Variants in ARHGAP35 observed in about 807,000 individuals in gnomAD.
The protein encoded by ARHGAP35 is rho GTPase-activating protein 35.
A neutral mutation model predicts 111.1 loss-of-function variants in ARHGAP35; 15 were observed. The ratio of observed to expected loss-of-function variants is 0.13; its 90% CI spans 0.09 to 0.21. The LOEUF (loss-of-function observed/expected upper bound fraction) is 0.21. ARHGAP35 is among the 10% of genes least tolerant of loss of function. The pLI is 1.00. For synonymous variants in ARHGAP35, 643 were observed against 710.3 expected (o/e 0.91, Z 1.51); for missense variants, 1,262 against 1,873.0 (o/e 0.67, Z 6.02).
At chr19:46,870,000 G>A (rs1222175881) in intron 1 of ARHGAP35, among the ~76,000 whole-genome samples, 1 of 146,022 alleles carries the variant, frequency 6.8e-6, no homozygotes, top group African/African-American at 2.6e-5. Flanking sequence ...AGGCTGGAGT[G>A]CAGTGGCGCC....
chr19:46,875,566 TA>T (rs2055914290), intron 1 of ARHGAP35, among the ~76,000 whole-genome samples: 1 of 152,190 alleles, frequency 6.6e-6, no homozygotes, highest in African/African-American at 2.4e-5. Flanking sequence ...CTTTGTGACT[TA>T]GGACAAGTCA....
chr19:46,892,427 C>T (rs977770948), intron 1 of ARHGAP35, among the ~76,000 whole-genome samples: 7 of 145,086 alleles, frequency 4.8e-5, no homozygotes, highest in Non-Finnish European at 7.5e-5. Context: ...GCCATGATCA[C>T]GCCACTGTAC....
chr19:46,884,869 A>G (rs1207312022), intron 1 of ARHGAP35, among the ~76,000 whole-genome samples: 1 of 152,018 alleles, frequency 6.6e-6, no homozygotes, highest in Non-Finnish European at 1.5e-5. Context: ...GTGCGCACCC[A>G]CCATGCCTGG....
At chr19:46,902,533 C>T (rs1277623242) in intron 1 of ARHGAP35, among the ~76,000 whole-genome samples, 1 of 152,122 alleles carries the variant, frequency 6.6e-6, no homozygotes, top group Non-Finnish European at 1.5e-5. Context: ...GCCATCTGCT[C>T]CCGGCTGCCT....
chr19:46,909,061 A>G (rs2056124919), intron 1 of ARHGAP35, among the ~76,000 whole-genome samples: 1 of 152,106 alleles, frequency 6.6e-6, no homozygotes, highest in South Asian at 2.1e-4. Flanking sequence ...ACACTTTGGG[A>G]GGGTGAGGTG....
At chr19:46,953,839 A>G (rs2056425077) in intron 3 of ARHGAP35, among the ~76,000 whole-genome samples, 2 of 152,038 alleles carry the variant, frequency 1.3e-5, no homozygotes, top group Non-Finnish European at 2.9e-5. Context: ...CTTCCTTCAC[A>G]CTGGACTCCT....
intron 2 of ARHGAP35, among the ~76,000 whole-genome samples, chr19:46,932,090 T>C (rs186717020): frequency 2.8e-4 from 42 of 152,316 alleles, no homozygotes; most frequent in African/African-American, 1.0e-3. Context: ...AAGAACAGCC[T>C]GGCCAACATG....
chr19:46,868,449 T>G (rs973346308), intron 1 of ARHGAP35, among the ~76,000 whole-genome samples: 1 of 152,224 alleles, frequency 6.6e-6, no homozygotes, highest in Non-Finnish European at 1.5e-5. Flanking sequence ...TGGGATGTGA[T>G]CCTGTATTAA....
intron 1 of ARHGAP35, among the ~76,000 whole-genome samples, chr19:46,867,556 A>G (rs1304876424): frequency 6.6e-6 from 1 of 152,182 alleles, no homozygotes; most frequent in Non-Finnish European, 1.5e-5. Context: ...AAGGGATTAT[A>G]CTAGTTGGTT....
At position 46,907,767 on chromosome 19, in the gene ARHGAP35, G is replaced by A. The variant is rs117489123; in HGVS notation, c.-188-10721G>A. Among the ~76,000 whole-genome samples, 235 of 152,192 alleles carry A rather than the reference G, an allele frequency of 1.5e-3. 5 individuals carry two copies. In the East Asian group the frequency reaches 0.04, roughly 26 times the overall value. Reference sequence around the variant, plus strand: ...GCTGGGATTACAGGTGTGAGCCACCGGCCCTTTTTCTTAGCTTCTTAGGTT... The same window carrying A: ...GCTGGGATTACAGGTGTGAGCCACCAGCCCTTTTTCTTAGCTTCTTAGGTT... On this transcript the variant is annotated intron_variant, in intron 1 of 6. Coordinates refer to ENST00000672722, the MANE Select transcript of ARHGAP35 (RefSeq NM_004491.5).
Position 47,001,115 on chromosome 19 carries a change from C to T in ARHGAP35, c.*427C>T. ...TGGCAACCCCTGAAGAGAACACTTC[C>T]TGTTGGTCTGTCTCTTCCCACCTTC... On this transcript the variant is annotated 3_prime_UTR_variant, in exon 7 of 7. Coordinates refer to ENST00000672722, the MANE Select transcript of ARHGAP35 (RefSeq NM_004491.5). The surrounding 1 kb of genome is among the most constrained non-coding windows in gnomAD (Gnocchi z 5.4). The T allele has an allele frequency of 1.6e-6, 2 of 1,243,198 alleles. No individual in the cohort carries two copies. Among genetic ancestry groups the T allele is most frequent in the Non-Finnish European group, 2.1e-6 (2 of 971,080 alleles). 77.0% of individuals were successfully genotyped at this position (1,243,198 alleles called of 1,614,324 possible). A position where few individuals can be genotyped will look rare whatever the true frequency, so the allele number is the denominator to read the frequency against.
rs537265568 is a variant in ARHGAP35 at position 46,976,961 on chromosome 19, T to A, written c.3827-11028T>A. Among the ~76,000 whole-genome samples the A allele has an allele frequency of 2.0e-5, 3 of 152,340 alleles. No individual in the cohort carries two copies. The South Asian group carries it at 6.2e-4, about 32-fold the overall frequency. On this transcript the variant is annotated intron_variant, in intron 3 of 6. Coordinates refer to ENST00000672722, the MANE Select transcript of ARHGAP35 (RefSeq NM_004491.5). The stretch of plus-strand genomic sequence containing the variant: ...GCCTCTATAACCCCTGTCAGTTTCC[T>A]TGACCTCTGCTTTTTTCCTGTTCAT...
chr19:46,861,576 GC>G (rs1338686749), intron 1 of ARHGAP35, among the ~76,000 whole-genome samples: 3 of 146,376 alleles, frequency 2.0e-5, no homozygotes, highest in African/African-American at 7.6e-5. Flanking sequence ...CCTCCATAAT[GC>G]CCTTCGCTCC....
At chr19:46,961,541 C>T (rs182401128) in intron 3 of ARHGAP35, among the ~76,000 whole-genome samples, 1 of 152,076 alleles carries the variant, frequency 6.6e-6, no homozygotes, top group Non-Finnish European at 1.5e-5. Context: ...ATCTCATGGA[C>T]GCGTTGAATA....
At position 46,889,182 on chromosome 19, in the gene ARHGAP35, A is replaced by G. The variant is rs144809047; in HGVS notation, c.-189+27973A>G. Among the ~76,000 whole-genome samples the G allele has an allele frequency of 1.8e-3, 268 of 151,132 alleles. 1 individual carries two copies. In the Middle Eastern group the frequency reaches 0.021, roughly 12 times the overall value. On this transcript the variant is annotated intron_variant, in intron 1 of 6. Coordinates refer to ENST00000672722, the MANE Select transcript of ARHGAP35 (RefSeq NM_004491.5). Reference sequence around the variant, plus strand: ...TAAAAATACAAAAAATTAGCCAGGCATGGCCAGGCGCTGTGGCTCACACCT... The same window carrying G: ...TAAAAATACAAAAAATTAGCCAGGCGTGGCCAGGCGCTGTGGCTCACACCT...
chr19:46,979,146 C>T (rs527428850), intron 3 of ARHGAP35, among the ~76,000 whole-genome samples: 166 of 151,822 alleles, frequency 1.1e-3, no homozygotes, highest in Admixed American at 4.3e-3. Flanking sequence ...GTATTGTGCT[C>T]GCGGTCTGTT....
chr19:46,862,576 TTTC>T (rs2055834617), intron 1 of ARHGAP35, among the ~76,000 whole-genome samples: 3 of 152,130 alleles, frequency 2.0e-5, no homozygotes, highest in Admixed American at 2.0e-4. Flanking sequence ...GTACCTACAC[TTTC>T]TTCTCGTTTT....
intron 1 of ARHGAP35, among the ~76,000 whole-genome samples, chr19:46,891,455 T>G: frequency 6.7e-6 from 1 of 149,568 alleles, no homozygotes. Flanking sequence ...TTAGATGGAG[T>G]CTCGCTCTGT....
Position 46,918,934 on chromosome 19 carries a change from G to T in ARHGAP35, c.259G>T (p.Val87Leu). ...GEVSRSLEDCVECKMHIVEQT... is the reference protein window; with the variant it reads ...GEVSRSLEDCLECKMHIVEQT... The stretch of plus-strand genomic sequence containing the variant: ...AGTTAGCCGCTCCCTGGAGGATTGT[G>T]TGGAATGTAAGATGCACATTGTGGA... Residue 87 changes from valine to leucine, a missense_variant, in exon 2 of 7, where the codon GTG (valine) becomes TTG (leucine). Val to Leu is a conservative substitution (Grantham distance 32, BLOSUM62 1). Around this residue, in one of 8 missense-constraint regions of ARHGAP35, gnomAD observed 125 missense variants for 301.7 expected, o/e 0.41. Coordinates refer to ENST00000672722, the MANE Select transcript of ARHGAP35 (RefSeq NM_004491.5). The surrounding 1 kb of genome is among the most constrained non-coding windows in gnomAD (Gnocchi z 5.4). 1 of 1,613,996 alleles carries T rather than the reference G, an allele frequency of 6.2e-7. No homozygotes were observed. The highest frequency in any genetic ancestry group is 8.5e-7 in the Non-Finnish European group (1 of 1,179,892).
Sources: gnomAD v4.1 joint callset for allele counts (sites outside exome capture counted in the v4.1 genomes callset) on GRCh38, gnomAD v4.1.1 for gene constraint, gnomAD v4.1.1 regional missense constraint, Gnocchi (gnomAD v3.1) non-coding constraint, MANE v1.5 for transcripts, NCBI Gene and HGNC (gene_info 2026-07-23, HGNC 2026-07-21) for gene names.